Variants in ZC3H12B observed in about 807,000 individuals in gnomAD.
The protein encoded by ZC3H12B is zinc finger CCCH-type containing 12B.
In ZC3H12B, 7 loss-of-function variants were observed where a neutral mutation model predicts 43.9. The observed-to-expected ratio is 0.16, with a 90% CI of 0.09 to 0.30. The LOEUF (loss-of-function observed/expected upper bound fraction) is 0.30. ZC3H12B is among the 10% of genes least tolerant of loss of function. The probability of loss-of-function intolerance (pLI) is 1.00; values close to 1 mark genes in which losing one functional copy is unlikely to be tolerated. For synonymous variants in ZC3H12B, 222 were observed against 241.7 expected, an observed-to-expected ratio of 0.92 and a Z score of 0.76; for missense variants, 475 against 670.2, an observed-to-expected ratio of 0.71 and a Z score of 3.22.
the ZC3H12B span, among the ~76,000 whole-genome samples, chrX:65,106,034 CACTT>C: frequency 3.6e-5 from 4 of 111,937 alleles, no homozygotes; most frequent in African/African-American, 9.7e-5. Flanking sequence ...TAGTGTGACA[CACTT>C]AATTCATTTA....
At chrX:65,272,242 AAAAG>A in the ZC3H12B span, 2 of 99,666 alleles carry the variant, frequency 2.0e-5, no homozygotes, top group Non-Finnish European at 3.8e-5. Context: ...AAATTAAAAA[AAAAG>A]AAAGAGCCTA....
chrX:65,085,127 A>T, the ZC3H12B span, among the ~76,000 whole-genome samples: 1 of 111,720 alleles, frequency 9.0e-6, no homozygotes, highest in Non-Finnish European at 1.9e-5. Flanking sequence ...AGGAGATGGG[A>T]GTGGGAAGGT....
At chrX:65,229,937 G>T in the ZC3H12B span, among the ~76,000 whole-genome samples, 2 of 111,534 alleles carry the variant, frequency 1.8e-5, no homozygotes, top group African/African-American at 6.5e-5. Flanking sequence ...ACTGTTGGTG[G>T]GACAGTAAAC....
At chrX:65,368,379 G>C (rs1415640872) in intron 1 of ZC3H12B, among the ~76,000 whole-genome samples, 2 of 111,535 alleles carry the variant, frequency 1.8e-5, no homozygotes, top group Non-Finnish European at 3.8e-5. Context: ...AGAGGAAGTA[G>C]TCATACCTAA....
chrX:65,160,493 G>T, the ZC3H12B span, among the ~76,000 whole-genome samples: 2 of 111,642 alleles, frequency 1.8e-5, no homozygotes, highest in African/African-American at 6.5e-5. Flanking sequence ...GTCTTGGGAG[G>T]TTGTATGTGT....
the ZC3H12B span, among the ~76,000 whole-genome samples, chrX:65,117,139 T>A: frequency 6.3e-5 from 7 of 111,986 alleles, no homozygotes; most frequent in Non-Finnish European, 1.1e-4. Flanking sequence ...TGCCACACTG[T>A]CTTCCACAAT....
At chrX:65,262,274 T>C in the ZC3H12B span, among the ~76,000 whole-genome samples, 384 of 111,299 alleles carry the variant, frequency 3.5e-3, 4 homozygotes, top group African/African-American at 0.012. Flanking sequence ...TAGATCTTAA[T>C]TGGTATTAAG....
the ZC3H12B span, among the ~76,000 whole-genome samples, chrX:65,155,185 T>C: frequency 9.0e-6 from 1 of 110,783 alleles, no homozygotes; most frequent in East Asian, 2.9e-4. Context: ...CTTGAACTCT[T>C]GAACTCAAGC....
chrX:65,101,292 G>T, the ZC3H12B span, among the ~76,000 whole-genome samples: 2 of 111,492 alleles, frequency 1.8e-5, no homozygotes, highest in African/African-American at 6.5e-5. Flanking sequence ...ATCAGAAAGC[G>T]GGAAAAATCT....
the ZC3H12B span, among the ~76,000 whole-genome samples, chrX:65,115,490 A>G: frequency 1.8e-5 from 2 of 111,192 alleles, no homozygotes; most frequent in Non-Finnish European, 3.8e-5. Flanking sequence ...TATTTTTGCA[A>G]TTGCAAATTG....
At chrX:65,218,973 C>G in the ZC3H12B span, among the ~76,000 whole-genome samples, 1 of 112,148 alleles carries the variant, frequency 8.9e-6, no homozygotes, top group Non-Finnish European at 1.9e-5. Flanking sequence ...GGCTTTAAGA[C>G]TTGAAGACAG....
the ZC3H12B span, among the ~76,000 whole-genome samples, chrX:65,304,440 C>A: frequency 9.0e-6 from 1 of 110,728 alleles, no homozygotes; most frequent in Non-Finnish European, 1.9e-5. Flanking sequence ...CACGGTGAAA[C>A]CTCGTCTCTA....
chrX:65,252,424 C>A, the ZC3H12B span, among the ~76,000 whole-genome samples: 3 of 111,477 alleles, frequency 2.7e-5, no homozygotes, highest in Admixed American at 9.6e-5. Context: ...CTGCCAGGGC[C>A]AGGCACTATT....
the ZC3H12B span, among the ~76,000 whole-genome samples, chrX:65,309,627 C>A: frequency 2.7e-5 from 3 of 111,984 alleles, no homozygotes; most frequent in African/African-American, 9.7e-5. Flanking sequence ...AGACAGAATC[C>A]TCTCTAACTC....
intron 2 of ZC3H12B, among the ~76,000 whole-genome samples, chrX:65,389,774 C>G (rs2066586013): frequency 1.8e-5 from 2 of 112,325 alleles, no homozygotes; most frequent in African/African-American, 6.5e-5. Flanking sequence ...CATCTTGGCT[C>G]CACGCCCAAT....
chrX:65,102,490 C>G, the ZC3H12B span, among the ~76,000 whole-genome samples: 80 of 111,820 alleles, frequency 7.2e-4, no homozygotes, highest in Middle Eastern at 4.7e-3. Context: ...GAAAGCCTGT[C>G]GTCTCAGCCC....
the ZC3H12B span, among the ~76,000 whole-genome samples, chrX:65,149,686 C>A: frequency 9.3e-6 from 1 of 107,270 alleles, no homozygotes; most frequent in East Asian, 2.9e-4. Flanking sequence ...ATGGCGTGAA[C>A]CCTGGAGGCG....
At chrX:65,311,252 C>T in the ZC3H12B span, among the ~76,000 whole-genome samples, 2 of 111,625 alleles carry the variant, frequency 1.8e-5, no homozygotes, top group Non-Finnish European at 3.8e-5. Flanking sequence ...ACCCCTCTGA[C>T]AAAGGGCTAA....
exon 5 of ZC3H12B, chrX:65,502,390 G>A (rs759319191): frequency 3.5e-5 from 42 of 1,209,482 alleles, no homozygotes; most frequent in Non-Finnish European, 7.8e-6. Flanking sequence ...ATAACCGAGA[G>A]TATTACATGG....
Sources: allele counts gnomAD v4.1 joint callset (sites outside exome capture counted in the v4.1 genomes callset), GRCh38; gene constraint gnomAD v4.1.1; transcripts MANE v1.5; gene names NCBI Gene and HGNC (gene_info 2026-07-23, HGNC 2026-07-21).